Variants in PARP10 observed in about 807,000 individuals in gnomAD.
PARP10 encodes the protein protein mono-ADP-ribosyltransferase PARP10.
In PARP10, 56 loss-of-function variants were observed where a neutral mutation model predicts 82.4. That is an observed-to-expected ratio of 0.68 (90% CI 0.55 to 0.85). The LOEUF is 0.85. Ranked by LOEUF, PARP10 falls within the 40% of genes least tolerant of loss-of-function variation. The pLI is 0.00. For missense variants in PARP10, 1,227 were observed against 1,379.4 expected (o/e 0.89, Z 1.75); for synonymous variants, 576 against 601.1 (o/e 0.96, Z 0.61).
rs1295911995 is a variant in PARP10 at position 143,985,028 on chromosome 8, C to A, written c.974G>T (p.Gly325Val). The A allele has an allele frequency of 1.2e-6, 2 of 1,613,892 alleles. No homozygotes were observed. Among genetic ancestry groups the A allele is most frequent in the East Asian group, 2.2e-5 (1 of 44,876 alleles). Residue 325 changes from glycine (G) to valine (V), a missense_variant, in exon 5 of 11, where the codon GGC becomes GTC. Coordinates refer to ENST00000313028, the MANE Select transcript of PARP10 (RefSeq NM_032789.5). Reference protein sequence around the residue: ...QGRGIMTTGSGQEPGQSGTSL... With the variant: ...QGRGIMTTGSVQEPGQSGTSL... ...GGTCCCTGACTGCCCTGGTTCCTGG[C>A]CAGAGCCTGTTGTCATAATCCCTCT... is the stretch of plus-strand genomic sequence containing the variant.
chr8:144,001,002 C>G (rs1203776446), intron 1 of PARP10, among the ~76,000 whole-genome samples: 1 of 150,826 alleles, frequency 6.6e-6, no homozygotes, highest in Non-Finnish European at 1.5e-5. Context: ...CAAGCTCTGC[C>G]TCCCAGGTTC....
intron 9 of PARP10, 45 bp downstream of exon 9, chr8:143,982,887 G>T: frequency 6.2e-7 from 1 of 1,604,502 alleles, no homozygotes. Flanking sequence ...AATGGTGCAA[G>T]AGCCCAGGAC....
Position 144,011,144 on chromosome 8 carries a change from A to G in PARP10, c.-80+1386T>C, listed in dbSNP as rs2133087205. Among the ~76,000 whole-genome samples, 1 of 152,200 alleles carries G rather than the reference A, an allele frequency of 6.6e-6. No individual in the cohort carries two copies. The highest frequency in any genetic ancestry group is 3.4e-3 in the Middle Eastern group (1 of 294). On this transcript the variant is annotated intron_variant, in intron 1 of 3. Transcript: ENST00000530478. This position sits in a 1 kb window ranked among gnomAD's most constrained non-coding sequence, Gnocchi z 4.5. The stretch of plus-strand genomic sequence containing the variant: ...CACTATAGCCTCACAAAATTGACAC[A>G]TAAAATGTAACCATCACTGACTGCA...
At chr8:143,981,365 TGAC>T (rs1264377990) in intron 9 of PARP10, among the ~76,000 whole-genome samples, 152 of 115,262 alleles carry the variant, frequency 1.3e-3, no homozygotes, top group African/African-American at 3.9e-3. Flanking sequence ...ATGATGGTGG[TGAC>T]GACAGTGAGT....
chr8:143,977,627 C>G lies in PARP10; in HGVS notation c.2935G>C (p.Val979Leu), dbSNP rs1833724024. ...ATGCTGGGCTGGCAGATGCAGTCCA[C>G]GGCGCTGTCGTAGCGCAGGAGCACG... is the stretch of plus-strand genomic sequence containing the variant. ...GHVLLRYDSA[V>L]DCICQPSIFV... The change falls in exon 11 of 11, where the codon GTG (valine) becomes CTG (leucine). Residue 979 changes from valine (V) to leucine (L), a missense_variant. Physicochemically the swap from Val to Leu is conservative, Grantham distance 32. Transcript: ENST00000313028. The G allele has an allele frequency of 6.3e-7, 1 of 1,590,868 alleles. No individual in the cohort carries two copies. Among genetic ancestry groups the G allele is most frequent in the Non-Finnish European group, 8.6e-7 (1 of 1,169,580 alleles).
upstream of PARP10, among the ~76,000 whole-genome samples, chr8:143,993,904 CAG>C (rs1372316184): frequency 6.6e-6 from 1 of 152,248 alleles, no homozygotes; most frequent in Non-Finnish European, 1.5e-5. Flanking sequence ...AAGAGCTGGA[CAG>C]AGACTGAGGG....
chr8:143,998,270 G>A (rs567840249), intron 1 of PARP10, among the ~76,000 whole-genome samples: 2 of 152,270 alleles, frequency 1.3e-5, no homozygotes, highest in African/African-American at 4.8e-5. Flanking sequence ...TCACTGGCGA[G>A]ACCCCAGGCT....
Position 143,984,873 on chromosome 8 carries a change from T to C in PARP10, c.1129A>G (p.Met377Val), listed in dbSNP as rs1554748824. 4.3e-6 allele frequency: 7 copies of C among 1,613,764 alleles called. No homozygotes were observed. Reference sequence around the variant, plus strand: ...GCAGACCCCACAGGCCCCAGGCTCATGGGCCCCTCCTGTTCCTGCAACCCC... The same window carrying C: ...GCAGACCCCACAGGCCCCAGGCTCACGGGCCCCTCCTGTTCCTGCAACCCC... Reference protein sequence around the residue: ...PVGLQEQEGPMSLGPVGSAGP... With the variant: ...PVGLQEQEGPVSLGPVGSAGP... Residue 377 changes from methionine to valine, a missense_variant, in exon 5 of 11, where the codon ATG (methionine) becomes GTG (valine). Transcript: ENST00000313028.
chr8:144,010,870 C>A (rs1459535493), intron 1 of PARP10, among the ~76,000 whole-genome samples: 1 of 151,946 alleles, frequency 6.6e-6, no homozygotes, highest in Non-Finnish European at 1.5e-5. Context: ...GGGCAACAGA[C>A]TGAGACCTTG....
At chr8:144,007,097 A>G (rs1834241329) in intron 1 of PARP10, among the ~76,000 whole-genome samples, 2 of 152,168 alleles carry the variant, frequency 1.3e-5, no homozygotes, top group Admixed American at 6.5e-5. Context: ...CAACACAGAG[A>G]AGTTAGCAAG....
rs1323524156 is a variant in PARP10, at chr8:144,008,091, C to T, written c.-80+4439G>A. ...ACTAGACAACTACCTCCCGGCAGCTCCTCGTCAGCAACAGGCAGACCCGGA... is the reference window on the plus strand; with the variant it reads ...ACTAGACAACTACCTCCCGGCAGCTTCTCGTCAGCAACAGGCAGACCCGGA... On this transcript the variant is annotated intron_variant, in intron 1 of 3. Transcript: ENST00000530478. The surrounding 1 kb of genome is among the most constrained non-coding windows in gnomAD (Gnocchi z 4.0). 6.6e-6 allele frequency among the ~76,000 whole-genome samples: 1 copy of T among 152,164 alleles called. No homozygotes were observed. Among genetic ancestry groups the T allele is most frequent in the African/African-American group, 2.4e-5 (1 of 41,444 alleles).
upstream of PARP10, chr8:143,992,133 C>A: frequency 6.2e-7 from 1 of 1,601,042 alleles, no homozygotes. Flanking sequence ...GTCCCACACG[C>A]CCACTCTTCC....
chr8:143,980,054 G>C (rs1290640292), intron 9 of PARP10, among the ~76,000 whole-genome samples: 1 of 148,442 alleles, frequency 6.7e-6, no homozygotes, highest in African/African-American at 2.5e-5. Flanking sequence ...GGGCGCGGTG[G>C]CTCACGCCTG....
chr8:144,010,629 C>G (rs945109882), intron 1 of PARP10, among the ~76,000 whole-genome samples: 1 of 152,124 alleles, frequency 6.6e-6, no homozygotes, highest in Non-Finnish European at 1.5e-5. Context: ...AATCCCAGCA[C>G]TTTGGGAGGC....
At chr8:143,991,684 C>T, upstream of PARP10, 4 of 1,606,474 alleles carry the variant, frequency 2.5e-6, no homozygotes, top group Non-Finnish European at 3.4e-6. Flanking sequence ...AGCCTGTCTG[C>T]TTCTCAGCAC....
Position 143,985,839 on chromosome 8 carries a change from C to T in PARP10, c.318G>A (p.Glu106=). 6.2e-7 allele frequency: 1 copy of T among 1,610,858 alleles called. No individual in the cohort carries two copies. The change falls in exon 3 of 11, where the codon GAG becomes GAA. Residue 106 remains glutamate, a synonymous_variant. Transcript: ENST00000313028. The part of the protein sequence containing the change: ...LPPGTTPQRL[E]QHVQALLRAS... ...CCCGCAGCAAGGCCTGGACATGCTG[C>T]TCCAAGCGCTGGGGCGTGGTGCCAG...
chr8:143,987,532 T>G (rs1834011958), upstream of PARP10, among the ~76,000 whole-genome samples: 1 of 152,172 alleles, frequency 6.6e-6, no homozygotes, highest in Non-Finnish European at 1.5e-5. Flanking sequence ...AACAGAGGTG[T>G]CAGGGTGAGC....
upstream of PARP10, chr8:143,991,501 CCTACCCCCAAGGGGG>C: frequency 1.3e-6 from 2 of 1,539,322 alleles, no homozygotes; most frequent in Non-Finnish European, 8.7e-7. Context: ...CCACAGGGCC[CCTACCCCCAAGGGGG>C]CTACCCCCAG....
At position 143,983,752 on chromosome 8, in the gene PARP10, G is replaced by A. The variant is rs782312743; in HGVS notation, c.1837C>T (p.Leu613=). ...CCTTCCTCCTCCAGCTCCCGAGGCA[G>A]CCAGTCCTCCCCGTCTAGGTCTAGG... is the stretch of plus-strand genomic sequence containing the variant. The part of the protein sequence containing the change: ...EGLDLDGEDW[L]PRELEEEGPQ... Residue 613 remains leucine, a synonymous_variant, in exon 8 of 11, where the codon CTG becomes TTG. Transcript: ENST00000313028. 6 of 1,612,346 alleles carry A rather than the reference G, an allele frequency of 3.7e-6. No individual in the cohort carries two copies. The highest frequency in any genetic ancestry group is 4.2e-6 in the Non-Finnish European group (5 of 1,179,330).
Sources: allele counts gnomAD v4.1 joint callset (sites outside exome capture counted in the v4.1 genomes callset), GRCh38; gene constraint gnomAD v4.1.1; non-coding constraint Gnocchi (gnomAD v3.1); transcripts MANE v1.5; gene names NCBI Gene and HGNC (gene_info 2026-07-23, HGNC 2026-07-21).